The following RSRC1 variants were observed in gnomAD, a reference collection of about 807,000 sequenced individuals.
The protein encoded by RSRC1 is serine/Arginine-related protein 53.
A neutral mutation model predicts 49.1 loss-of-function variants in RSRC1; 39 were observed. That is an observed-to-expected ratio of 0.79 (90% CI 0.61 to 1.04). The LOEUF (loss-of-function observed/expected upper bound fraction) is 1.04. Ranked by LOEUF, RSRC1 falls within the 50% of genes least tolerant of loss-of-function variation. The probability of loss-of-function intolerance (pLI) is 0.00; values close to 1 mark genes in which losing one functional copy is unlikely to be tolerated. For synonymous variants in RSRC1, 143 were observed against 130.8 expected (o/e 1.09, Z -0.63); for missense variants, 388 against 402.4 (o/e 0.96, Z 0.31).
At chr3:158,345,280 G>A (rs1466095603) in intron 5 of RSRC1, among the ~76,000 whole-genome samples, 2 of 151,882 alleles carry the variant, frequency 1.3e-5, no homozygotes, top group South Asian at 4.2e-4. Flanking sequence ...TTGCAATGTG[G>A]TAGATTAATA....
At chr3:158,301,287 C>T (rs1228785628) in intron 5 of RSRC1, among the ~76,000 whole-genome samples, 1 of 152,004 alleles carries the variant, frequency 6.6e-6, no homozygotes. Context: ...CTCTGTTATC[C>T]ATTGATGATT....
rs1177573830 is a variant in RSRC1, at chr3:158,173,033, A to ATTT, written c.321-30038_321-30036dup. ...TTTACAGTCGATATGTATCTATCTAATTTATCTATGATAGTTACTGATTTG... is the reference window on the plus strand; with the variant it reads ...TTTACAGTCGATATGTATCTATCTAATTTTTTATCTATGATAGTTACTGATTTG... On this transcript the variant is annotated intron_variant, in intron 3 of 9. Coordinates refer to ENST00000611884, the MANE Select transcript of RSRC1 (RefSeq NM_001271838.2). Among the ~76,000 whole-genome samples the ATTT allele has an allele frequency of 3.3e-5, 5 of 152,140 alleles. No homozygotes were observed. The South Asian group carries it at 1.0e-3, about 32-fold the overall frequency.
In RSRC1 at chr3:158,188,129, T is replaced by C. The variant is rs996082264; in HGVS notation, c.321-14943T>C. ...CTAATTTTGTTCCAGTGCTAATACT[T>C]GACTCTATGCAATGCCTTTGGTGTG... On this transcript the variant is annotated intron_variant, in intron 3 of 9. Coordinates refer to ENST00000611884, the MANE Select transcript of RSRC1 (RefSeq NM_001271838.2). Among the ~76,000 whole-genome samples, 24 of 152,012 alleles carry C rather than the reference T, an allele frequency of 1.6e-4. No individual in the cohort carries two copies. In the South Asian group the frequency reaches 4.8e-3, roughly 30 times the overall value.
In RSRC1 at chr3:158,113,945, TTGTC is replaced by T. The variant is rs546805247; in HGVS notation, c.-3+3726_-3+3729del. On this transcript the variant is annotated intron_variant, in intron 1 of 9. Coordinates refer to ENST00000611884, the MANE Select transcript of RSRC1 (RefSeq NM_001271838.2). ...GGTTGCAAAAATTTTCCTCTATAGA[TTGTC>T]TGTTCGTTCTGATGATAATTTCTTT... Among the ~76,000 whole-genome samples, 3 of 152,236 alleles carry T rather than the reference TTGTC, an allele frequency of 2.0e-5. No individual in the cohort carries two copies. In the South Asian group the frequency reaches 6.2e-4, roughly 32 times the overall value.
At chr3:158,283,764 A>G (rs1389956173) in intron 4 of RSRC1, among the ~76,000 whole-genome samples, 2 of 152,160 alleles carry the variant, frequency 1.3e-5, no homozygotes, top group African/African-American at 4.8e-5. Flanking sequence ...GAATGTTGAT[A>G]CATTCTCCCA....
At chr3:158,421,894 T>A (rs1578455277) in intron 6 of RSRC1, among the ~76,000 whole-genome samples, 1 of 151,810 alleles carries the variant, frequency 6.6e-6, no homozygotes. Flanking sequence ...TAAGTAACTT[T>A]GAAAACAACT....
chr3:158,541,733 T>G (rs1349896062), intron 8 of RSRC1, among the ~76,000 whole-genome samples: 1 of 152,110 alleles, frequency 6.6e-6, no homozygotes, highest in African/African-American at 2.4e-5. Context: ...AACAATCTCC[T>G]ATTCATCTTG....
At chr3:158,283,508 A>T (rs531068386) in intron 4 of RSRC1, among the ~76,000 whole-genome samples, 4 of 149,522 alleles carry the variant, frequency 2.7e-5, no homozygotes, top group South Asian at 4.2e-4. Flanking sequence ...AACATGATTT[A>T]AAAAAAAAAC....
At chr3:158,316,323 T>G (rs571481831) in intron 5 of RSRC1, among the ~76,000 whole-genome samples, 1 of 151,940 alleles carries the variant, frequency 6.6e-6, no homozygotes, top group Admixed American at 6.6e-5. Context: ...ATGGAAAGAG[T>G]TAGTGTAGCT....
intron 7 of RSRC1, among the ~76,000 whole-genome samples, chr3:158,468,707 ACT>A (rs1187969126): frequency 6.6e-6 from 1 of 151,992 alleles, no homozygotes; most frequent in African/African-American, 2.4e-5. Flanking sequence ...GTATACTTCA[ACT>A]CTCTATAAAA....
chr3:158,442,799 G>A (rs1365554351), intron 6 of RSRC1, among the ~76,000 whole-genome samples: 1 of 151,954 alleles, frequency 6.6e-6, no homozygotes, highest in Non-Finnish European at 1.5e-5. Flanking sequence ...AGCTGCCATA[G>A]CCCTAGAAAA....
chr3:158,305,789 A>G (rs1727803782), intron 5 of RSRC1, among the ~76,000 whole-genome samples: 1 of 152,114 alleles, frequency 6.6e-6, no homozygotes, highest in African/African-American at 2.4e-5. Context: ...TAGGAAGAGC[A>G]CAGCACAAGG....
intron 3 of RSRC1, among the ~76,000 whole-genome samples, chr3:158,198,282 A>C (rs2108273093): frequency 6.6e-6 from 1 of 152,068 alleles, no homozygotes; most frequent in East Asian, 1.9e-4. Flanking sequence ...TGTTGGTTTA[A>C]AGTCTGTTTT....
Position 158,515,458 on chromosome 3 carries a change from C to T in RSRC1, c.653-21634C>T, listed in dbSNP as rs547017653. Among the ~76,000 whole-genome samples, 21 of 135,548 alleles carry T rather than the reference C, an allele frequency of 1.5e-4. 1 individual carries two copies. The highest frequency in any genetic ancestry group is 4.5e-4 in the Admixed American group (6 of 13,430). 88.9% of individuals were successfully genotyped at this position (135,548 alleles called of 152,430 possible). On this transcript the variant is annotated intron_variant, in intron 7 of 9. Coordinates refer to ENST00000611884, the MANE Select transcript of RSRC1 (RefSeq NM_001271838.2). ...CTCTTCTGGCTTGTAGCGTTTCTGCCGAGAGATCCGCTGTTAGTCTGATGG... is the reference window on the plus strand; with the variant it reads ...CTCTTCTGGCTTGTAGCGTTTCTGCTGAGAGATCCGCTGTTAGTCTGATGG...
intron 6 of RSRC1, among the ~76,000 whole-genome samples, chr3:158,380,008 C>A (rs1175540894): frequency 6.6e-6 from 1 of 151,276 alleles, no homozygotes; most frequent in East Asian, 2.0e-4. Context: ...GCACCAAGAA[C>A]CTACACATCA....
At chr3:158,373,592 T>TGTATCCCAAGTATCTTGGG (rs1350904153) in intron 6 of RSRC1, among the ~76,000 whole-genome samples, 5 of 151,970 alleles carry the variant, frequency 3.3e-5, no homozygotes, top group Non-Finnish European at 5.9e-5. Flanking sequence ...TTGGGCATGA[T>TGTATCCCAAGTATCTTGGG]ATACTTTTTT....
chr3:158,305,785 G>T (rs1319629672), intron 5 of RSRC1, among the ~76,000 whole-genome samples: 4 of 152,034 alleles, frequency 2.6e-5, no homozygotes, highest in Admixed American at 2.6e-4. Context: ...ATTTTAGGAA[G>T]AGCACAGCAC....
chr3:158,415,107 G>T (rs990370375), intron 6 of RSRC1, among the ~76,000 whole-genome samples: 12 of 152,100 alleles, frequency 7.9e-5, no homozygotes, highest in African/African-American at 2.4e-4. Flanking sequence ...ATATGTGCCA[G>T]GGCAAATGGT....
intron 7 of RSRC1, among the ~76,000 whole-genome samples, chr3:158,468,229 G>A (rs928705147): frequency 7.9e-5 from 12 of 152,076 alleles, no homozygotes; most frequent in African/African-American, 2.2e-4. Flanking sequence ...CACCGCGCCC[G>A]GCCAGAAAAA....
Sources: allele counts gnomAD v4.1 joint callset (sites outside exome capture counted in the v4.1 genomes callset), GRCh38; gene constraint gnomAD v4.1.1; transcripts MANE v1.5; gene names NCBI Gene and HGNC (gene_info 2026-07-23, HGNC 2026-07-21).